TNR: variants seen among roughly 807,000 people sequenced by gnomAD.
TNR encodes the protein tenascin R.
A neutral mutation model predicts 150.4 loss-of-function variants in TNR; 45 were observed. The ratio of observed to expected loss-of-function variants is 0.30; its 90% CI spans 0.24 to 0.38. The LOEUF (loss-of-function observed/expected upper bound fraction) is 0.38, where lower values mean the gene tolerates loss of function less well. Among genes scored for constraint, TNR ranks in the 10% least tolerant of loss-of-function variants. The pLI is 1.00. For synonymous variants in TNR, 687 were observed against 678.4 expected, an observed-to-expected ratio of 1.01 and a Z score of -0.20; for missense variants, 1,544 against 1,759.1, an observed-to-expected ratio of 0.88 and a Z score of 2.19.
At chr1:175,489,187 C>T (rs1658139247) in intron 2 of TNR, among the ~76,000 whole-genome samples, 1 of 152,210 alleles carries the variant, frequency 6.6e-6, no homozygotes. Context: ...TCCAAGATCA[C>T]CCGGGGCCCA....
chr1:175,480,883 A>C (rs1390222778), intron 2 of TNR, among the ~76,000 whole-genome samples: 1 of 152,164 alleles, frequency 6.6e-6, no homozygotes, highest in Non-Finnish European at 1.5e-5. Flanking sequence ...AGCATATCCT[A>C]GATCACTTCT....
intron 9 of TNR, among the ~76,000 whole-genome samples, chr1:175,376,050 C>T (rs893407140): frequency 5.3e-5 from 8 of 151,952 alleles, no homozygotes; most frequent in African/African-American, 1.5e-4. Flanking sequence ...TAAGTGAGTG[C>T]TTCTCACTCA....
intron 1 of TNR, among the ~76,000 whole-genome samples, chr1:175,736,307 G>A (rs187847999): frequency 5.3e-5 from 8 of 152,112 alleles, no homozygotes; most frequent in Admixed American, 3.9e-4. Flanking sequence ...GGATCACGAG[G>A]TCAGGATATC....
intron 1 of TNR, among the ~76,000 whole-genome samples, chr1:175,561,477 A>T (rs1661425084): frequency 6.6e-6 from 1 of 152,326 alleles, no homozygotes; most frequent in Non-Finnish European, 1.5e-5. Flanking sequence ...GGAGGCAAAG[A>T]ATAGCAGAGA....
chr1:175,446,334 G>T (rs7540906), intron 2 of TNR, among the ~76,000 whole-genome samples: 1 of 152,120 alleles, frequency 6.6e-6, no homozygotes, highest in Non-Finnish European at 1.5e-5. Flanking sequence ...GCGGGGCTCT[G>T]TCACATCTTC....
chr1:175,464,862 A>G (rs1656963384), intron 2 of TNR, among the ~76,000 whole-genome samples: 1 of 152,130 alleles, frequency 6.6e-6, no homozygotes, highest in African/African-American at 2.4e-5. Flanking sequence ...CTGAAAATGC[A>G]GGGCTTAAGG....
chr1:175,333,151 A>G (rs1475128024), intron 20 of TNR, among the ~76,000 whole-genome samples: 1 of 152,176 alleles, frequency 6.6e-6, no homozygotes, highest in Non-Finnish European at 1.5e-5. Context: ...ATTTAGTACT[A>G]TTAATATAGT....
At chr1:175,394,009 G>T in intron 5 of TNR, 114 bp from the exon 6 acceptor site, 1 of 813,286 alleles carries the variant, frequency 1.2e-6, no homozygotes, top group Non-Finnish European at 2.0e-6. Context: ...GTGGTGTCTG[G>T]TGGACAATCC....
At chr1:175,499,323 T>G (rs1160692245) in intron 2 of TNR, among the ~76,000 whole-genome samples, 2 of 152,214 alleles carry the variant, frequency 1.3e-5, no homozygotes, top group Non-Finnish European at 2.9e-5. Context: ...GAGTATTTAA[T>G]ATGGGCCAGC....
At chr1:175,647,822 T>C (rs1049992234) in intron 1 of TNR, among the ~76,000 whole-genome samples, 1 of 152,046 alleles carries the variant, frequency 6.6e-6, no homozygotes, top group Non-Finnish European at 1.5e-5. Flanking sequence ...GATGACCCCA[T>C]CAGTTTCTTC....
At chr1:175,431,202 T>A (rs1023018283) in intron 2 of TNR, among the ~76,000 whole-genome samples, 2 of 152,208 alleles carry the variant, frequency 1.3e-5, no homozygotes, top group Non-Finnish European at 2.9e-5. Flanking sequence ...TAGGGAGGAA[T>A]AAATCAATTG....
In TNR at chr1:175,322,832, G is replaced by GGAAGGGAGGAAGGAAGGAAA. The variant is rs1649133795; in HGVS notation, c.*524_*525insTTTCCTTCCTTCCTCCCTTC. 6.6e-6 allele frequency: 1 copy of GGAAGGGAGGAAGGAAGGAAA among 152,350 alleles called. No homozygotes were observed. The highest frequency in any genetic ancestry group is 1.5e-5 in the Non-Finnish European group (1 of 68,252). The allele number at this position is 152,350 out of a possible 1,614,324, so 9.4% of individuals were successfully genotyped here. On this transcript the variant is annotated 3_prime_UTR_variant, in exon 23 of 23. Coordinates refer to ENST00000367674, the MANE Select transcript of TNR (RefSeq NM_003285.3). ...AGGAAAGAAGGAAGGGAGGAAGGAAGGAAGGAAGGAAAAGAACCTGGGTTG... is the reference window on the plus strand; with the variant it reads ...AGGAAAGAAGGAAGGGAGGAAGGAAGGAAGGGAGGAAGGAAGGAAAGAAGGAAGGAAAAGAACCTGGGTTG...
chr1:175,451,465 T>C (rs2102093568), intron 2 of TNR, among the ~76,000 whole-genome samples: 1 of 2,664 alleles, frequency 3.8e-4, no homozygotes, highest in African/African-American at 1.7e-3. Context: ...AGAGGGGTGA[T>C]CTAGAAGCCA....
At chr1:175,453,052 T>G (rs984773308) in intron 2 of TNR, among the ~76,000 whole-genome samples, 2 of 152,040 alleles carry the variant, frequency 1.3e-5, no homozygotes, top group Non-Finnish European at 2.9e-5. Context: ...GGTACAACAA[T>G]GTGAATATAG....
At position 175,544,907 on chromosome 1, in the gene TNR, G is replaced by T. The variant is rs115162122; in HGVS notation, c.-164-16538C>A. 9.8e-3 allele frequency among the ~76,000 whole-genome samples: 1,488 copies of T among 152,330 alleles called. 18 individuals are homozygous for T. Among genetic ancestry groups the T allele is most frequent in the African/African-American group, 0.033 (1,362 of 41,578 alleles). ...CAATAGAATGTGAGCAAAGGTGATA[G>T]ACACTATACCCAAGCAGAAGTTTTA... On this transcript the variant is annotated intron_variant, in intron 1 of 22. Coordinates refer to ENST00000367674, the MANE Select transcript of TNR (RefSeq NM_003285.3).
rs10912999 is a variant in TNR at position 175,553,817 on chromosome 1, A to C, written c.-164-25448T>G. Among the ~76,000 whole-genome samples, 236 of 145,474 alleles carry C rather than the reference A, an allele frequency of 1.6e-3. 2 individuals are homozygous for C. The highest frequency in any genetic ancestry group is 3.5e-3 in the Middle Eastern group (1 of 286). On this transcript the variant is annotated intron_variant, in intron 1 of 22. Transcript: ENST00000367674. ...TCATACATATGCATATACAAGAACA[A>C]ACACACACACACACACACACACACA...
At chr1:175,432,583 T>A (rs1357853944) in intron 2 of TNR, among the ~76,000 whole-genome samples, 3 of 152,214 alleles carry the variant, frequency 2.0e-5, no homozygotes, top group Non-Finnish European at 2.9e-5. Flanking sequence ...ACTTTCCTTC[T>A]TTCATTTTCT....
In TNR at chr1:175,386,183, G is replaced by T. The variant is rs746000237; in HGVS notation, c.1626C>A (p.Gly542=). The change falls in exon 8 of 23, where the codon GGC becomes GGA. Residue 542 remains glycine (G), a synonymous_variant. Transcript: ENST00000367674. ...GGAAGGTGGTCCTCCCACCTTCCCC[G>T]CCCACCAGGCCATATTTCAAAAGAA... ...DFILLKYGLV[G]GEGGRTTFRL... 1.9e-6 allele frequency: 3 copies of T among 1,612,116 alleles called. No individual in the cohort carries two copies. The highest frequency in any genetic ancestry group is 1.3e-5 in the African/African-American group (1 of 74,862).
intron 7 of TNR, among the ~76,000 whole-genome samples, chr1:175,390,351 A>T (rs1382028479): frequency 6.6e-6 from 1 of 152,258 alleles, no homozygotes; most frequent in African/African-American, 2.4e-5. Context: ...AAGCTGTACC[A>T]ATAGTCACCT....
Sources: gnomAD v4.1 joint callset for allele counts (sites outside exome capture counted in the v4.1 genomes callset) on GRCh38, gnomAD v4.1.1 for gene constraint, MANE v1.5 for transcripts, NCBI Gene and HGNC (gene_info 2026-07-23, HGNC 2026-07-21) for gene names.